The following POU2F3 variants were observed in gnomAD, a reference collection of about 807,000 sequenced individuals.
The protein encoded by POU2F3 is POU domain, class 2, transcription factor 3.
In POU2F3, 23 loss-of-function variants were observed where a neutral mutation model predicts 59.2. The ratio of observed to expected loss-of-function variants is 0.39; its 90% confidence interval spans 0.28 to 0.55. The LOEUF (loss-of-function observed/expected upper bound fraction) is 0.55. POU2F3 is among the 20% of genes least tolerant of loss of function. The pLI is 0.66. For missense variants in POU2F3, 473 were observed against 544.5 expected (o/e 0.87, Z 1.31); for synonymous variants, 190 against 214.6 (o/e 0.89, Z 1.00).
upstream of POU2F3, chr11:120,240,105 G>A: frequency 8.7e-7 from 1 of 1,147,882 alleles, no homozygotes; most frequent in Admixed American, 4.8e-5. Flanking sequence ...GGCGTGGCCG[G>A]CGGCCCCCGC....
At chr11:120,302,467 C>G (rs573145894) in intron 6 of POU2F3, 99 bp downstream of exon 6, 1 of 1,137,438 alleles carries the variant, frequency 8.8e-7, no homozygotes, top group African/African-American at 1.5e-5. Flanking sequence ...GGGCACTAAC[C>G]CCTCTGGGGA....
upstream of POU2F3, chr11:120,236,766 A>AT (rs1404789927): frequency 7.2e-7 from 1 of 1,398,248 alleles, no homozygotes; most frequent in Admixed American, 2.0e-5. Context: ...TCAGTGAGCA[A>AT]GTCTGAGAGA....
intron 2 of POU2F3, chr11:120,249,756 A>T (rs1939022965): frequency 6.6e-6 from 1 of 152,178 alleles, no homozygotes. Flanking sequence ...GCCTCCTCCC[A>T]CAGCAGGCAC....
chr11:120,259,219 T>G (rs1178595900), intron 2 of POU2F3: 7 of 152,174 alleles, frequency 4.6e-5, no homozygotes, highest in Non-Finnish European at 1.0e-4. Flanking sequence ...GCCCTGAGGT[T>G]GGTGATGTTG....
intron 3 of POU2F3, among the ~76,000 whole-genome samples, chr11:120,293,837 G>A (rs980893838): frequency 5.3e-5 from 8 of 152,124 alleles, no homozygotes; most frequent in African/African-American, 1.2e-4. Flanking sequence ...CACCTTTTCC[G>A]TCACCGATGG....
At chr11:120,246,670 G>A (rs1938890622) in intron 2 of POU2F3, among the ~76,000 whole-genome samples, 153 bp downstream of exon 2, 2 of 152,140 alleles carry the variant, frequency 1.3e-5, no homozygotes, top group African/African-American at 2.4e-5. Flanking sequence ...TGAGGACATG[G>A]GATATGATTC....
chr11:120,241,014 C>T (rs1192377407), intron 1 of POU2F3, among the ~76,000 whole-genome samples: 1 of 152,112 alleles, frequency 6.6e-6, no homozygotes, highest in Non-Finnish European at 1.5e-5. Flanking sequence ...GTCAGGCTTC[C>T]CTGAATGAAT....
intron 10 of POU2F3, among the ~76,000 whole-genome samples, chr11:120,313,131 A>G (rs901425536): frequency 6.6e-6 from 1 of 152,128 alleles, no homozygotes; most frequent in Non-Finnish European, 1.5e-5. Flanking sequence ...TGTCATAGGA[A>G]CTTTGGAATC....
intron 9 of POU2F3, among the ~76,000 whole-genome samples, chr11:120,308,268 G>C (rs1031137155): frequency 6.6e-6 from 1 of 152,186 alleles, no homozygotes; most frequent in African/African-American, 2.4e-5. Flanking sequence ...ATGTGGCCTA[G>C]CCAGCCTCTA....
At chr11:120,312,916 A>G (rs1016723455) in intron 10 of POU2F3, among the ~76,000 whole-genome samples, 5 of 152,110 alleles carry the variant, frequency 3.3e-5, no homozygotes, top group Non-Finnish European at 7.4e-5. Flanking sequence ...GAGAGGTGTG[A>G]GGGCAGGGAA....
chr11:120,312,674 G>A (rs376219542), intron 10 of POU2F3, among the ~76,000 whole-genome samples: 7 of 152,178 alleles, frequency 4.6e-5, no homozygotes, highest in African/African-American at 1.7e-4. Context: ...TTGGTACTGG[G>A]GCTCCAGTGG....
chr11:120,250,148 T>C (rs1939039169), intron 2 of POU2F3: 1 of 152,268 alleles, frequency 6.6e-6, no homozygotes, highest in African/African-American at 2.4e-5. Flanking sequence ...TGTGCAGCTT[T>C]CCTCAGCTCT....
At chr11:120,277,367 G>A (rs1284180526) in intron 3 of POU2F3, among the ~76,000 whole-genome samples, 2 of 152,068 alleles carry the variant, frequency 1.3e-5, no homozygotes, top group Non-Finnish European at 2.9e-5. Context: ...GCCCATATGG[G>A]ACCAAGCCAC....
At chr11:120,268,666 C>T (rs1240893535) in intron 2 of POU2F3, among the ~76,000 whole-genome samples, 2 of 152,292 alleles carry the variant, frequency 1.3e-5, no homozygotes, top group African/African-American at 4.8e-5. Context: ...CTTTTAAGCA[C>T]ATATTTACTT....
intron 10 of POU2F3, among the ~76,000 whole-genome samples, chr11:120,312,187 G>A (rs1156256102): frequency 6.6e-6 from 1 of 152,010 alleles, no homozygotes; most frequent in Non-Finnish European, 1.5e-5. Context: ...GCAATGGTGC[G>A]ATCTAGGCTC....
intron 3 of POU2F3, among the ~76,000 whole-genome samples, chr11:120,288,128 CAAAA>C: frequency 2.5e-4 from 16 of 63,332 alleles, no homozygotes; most frequent in African/African-American, 1.0e-3. Flanking sequence ...ACAAAAAAAC[CAAAA>C]AAAAAAAAAA....
At position 120,318,699 on chromosome 11, in the gene POU2F3, A is replaced by G. The variant is rs1941849343; in HGVS notation, c.*307A>G. On this transcript the variant is annotated 3_prime_UTR_variant, in exon 13 of 13. Coordinates refer to ENST00000543440, the MANE Select transcript of POU2F3 (RefSeq NM_014352.4). ...TTTTAGCCAGCTTCACTGTGGCAAT[A>G]GTCTTTCAGAGAAAAGACTTCTTGC... The G allele has an allele frequency of 1.2e-5, 4 of 345,704 alleles. No homozygotes were observed. Among genetic ancestry groups the G allele is most frequent in the Non-Finnish European group, 2.1e-5 (4 of 192,024 alleles). 21.4% of individuals were successfully genotyped at this position (345,704 alleles called of 1,614,324 possible). A position where few individuals can be genotyped will look rare whatever the true frequency, so the allele number is the denominator to read the frequency against.
Position 120,319,604 on chromosome 11 carries a change from C to G in POU2F3, c.*1212C>G, listed in dbSNP as rs1941871716. 6.6e-6 allele frequency: 1 copy of G among 151,760 alleles called. No individual in the cohort carries two copies. The highest frequency in any genetic ancestry group is 6.6e-5 in the Admixed American group (1 of 15,196). 9.4% of individuals were successfully genotyped at this position (151,760 alleles called of 1,614,324 possible). On this transcript the variant is annotated 3_prime_UTR_variant, in exon 13 of 13. Coordinates refer to ENST00000543440, the MANE Select transcript of POU2F3 (RefSeq NM_014352.4). The stretch of plus-strand genomic sequence containing the variant: ...ACAGGCGCCCACCACCAAAAATTAG[C>G]CCAGCTAATTTTTGTATTTTTAGTA...
At chr11:120,264,685 A>T (rs1294884079) in intron 2 of POU2F3, among the ~76,000 whole-genome samples, 1 of 152,228 alleles carries the variant, frequency 6.6e-6, no homozygotes, top group Non-Finnish European at 1.5e-5. Flanking sequence ...TGAAACAAGA[A>T]TCATGACCTT....
Sources: gnomAD v4.1 joint callset for allele counts (sites outside exome capture counted in the v4.1 genomes callset) on GRCh38, gnomAD v4.1.1 for gene constraint, MANE v1.5 for transcripts, NCBI Gene and HGNC (gene_info 2026-07-23, HGNC 2026-07-21) for gene names.